Variants in PARP8 observed in about 807,000 individuals in gnomAD.
The protein encoded by PARP8 is protein mono-ADP-ribosyltransferase PARP8.
In PARP8, 51 loss-of-function variants were observed where a neutral mutation model predicts 124.1. The observed-to-expected ratio is 0.41, with a 90% CI of 0.33 to 0.52. The LOEUF is 0.52. Ranked by LOEUF, PARP8 falls within the 20% of genes least tolerant of loss-of-function variation. The pLI is 0.21. For missense variants in PARP8, 860 were observed against 1,018.9 expected (o/e 0.84, Z 2.12); for synonymous variants, 391 against 361.5 (o/e 1.08, Z -0.93).
At position 50,795,532 on chromosome 5, in the gene PARP8, T is replaced by G. The variant is rs72756139; in HGVS notation, c.1428+115T>G. 6.6e-3 allele frequency: 5,564 copies of G among 841,368 alleles called. 30 individuals are homozygous for G. The highest frequency in any genetic ancestry group is 9.3e-3 in the Admixed American group (263 of 28,396). The allele number at this position is 841,368 out of a possible 1,614,324, so 52.1% of individuals were successfully genotyped here. A position where few individuals can be genotyped will look rare whatever the true frequency, so the allele number is the denominator to read the frequency against. ...AGCAAAACTTTGTTTTAATTTACTG[T>G]TTTTTTAAAATCTTTTTGGATATTG... On this transcript the variant is annotated intron_variant, in intron 12 of 25. Coordinates refer to ENST00000281631, the MANE Select transcript of PARP8 (RefSeq NM_024615.4).
rs192504089 is a variant in PARP8 at position 50,698,392 on chromosome 5, A to G, written c.146+30267A>G. Among the ~76,000 whole-genome samples the G allele has an allele frequency of 4.1e-3, 621 of 152,300 alleles. 3 individuals are homozygous for G. The highest frequency in any genetic ancestry group is 5.7e-3 in the Admixed American group (87 of 15,296). On this transcript the variant is annotated intron_variant, in intron 2 of 25. Coordinates refer to ENST00000281631, the MANE Select transcript of PARP8 (RefSeq NM_024615.4). ...CCTGAGAATCCTAGAACATTTATGA[A>G]TATTATAATTGAAATACTTAGGAAT...
chr5:50,709,963 CATATAT>C (rs34133967), intron 2 of PARP8, among the ~76,000 whole-genome samples: 19 of 103,728 alleles, frequency 1.8e-4, no homozygotes, highest in African/African-American at 6.7e-4. Context: ...TATACACATA[CATATAT>C]ACACACACAC....
chr5:50,788,317 T>C (rs1741531683), intron 9 of PARP8, among the ~76,000 whole-genome samples: 1 of 148,758 alleles, frequency 6.7e-6, no homozygotes, highest in Non-Finnish European at 1.5e-5. Context: ...ATATAATGTA[T>C]AATATATATT....
intron 9 of PARP8, among the ~76,000 whole-genome samples, chr5:50,786,109 TA>T (rs201967660): frequency 0.022 from 3,331 of 152,202 alleles, 121 homozygotes; most frequent in African/African-American, 0.076. Context: ...GTTTGGACCC[TA>T]ACACTCTGCT....
At chr5:50,789,705 A>T (rs1325298806) in intron 10 of PARP8, among the ~76,000 whole-genome samples, 3 of 152,244 alleles carry the variant, frequency 2.0e-5, no homozygotes, top group Non-Finnish European at 2.9e-5. Context: ...ATTTGTGTTT[A>T]TGGAGAATTC....
At chr5:50,828,809 CG>C (rs1450552371) in intron 21 of PARP8, among the ~76,000 whole-genome samples, 1 of 151,262 alleles carries the variant, frequency 6.6e-6, no homozygotes, top group African/African-American at 2.4e-5. Flanking sequence ...AATTTGAACC[CG>C]GGAGGTGAAG....
At chr5:50,671,544 G>T (rs1277164360) in intron 2 of PARP8, among the ~76,000 whole-genome samples, 1 of 151,496 alleles carries the variant, frequency 6.6e-6, no homozygotes, top group Non-Finnish European at 1.5e-5. Flanking sequence ...GAAGAAATAC[G>T]CCAAAAAGAA....
At chr5:50,708,561 G>A (rs544868807) in intron 2 of PARP8, among the ~76,000 whole-genome samples, 2 of 152,040 alleles carry the variant, frequency 1.3e-5, no homozygotes, top group South Asian at 4.1e-4. Flanking sequence ...CTACTACTGT[G>A]CAGTGTTGCT....
chr5:50,699,143 GTC>G (rs1256111013), intron 2 of PARP8, among the ~76,000 whole-genome samples: 1 of 152,122 alleles, frequency 6.6e-6, no homozygotes, highest in Non-Finnish European at 1.5e-5. Flanking sequence ...GTGGGGTCCT[GTC>G]TCTCTCACTC....
At chr5:50,754,699 A>G (rs1226822570) in intron 3 of PARP8, among the ~76,000 whole-genome samples, 4 of 152,230 alleles carry the variant, frequency 2.6e-5, no homozygotes, top group African/African-American at 9.6e-5. Flanking sequence ...GTATATACCC[A>G]GTAATGGGAT....
At chr5:50,814,717 G>T (rs1185916515) in intron 14 of PARP8, among the ~76,000 whole-genome samples, 2 of 152,156 alleles carry the variant, frequency 1.3e-5, no homozygotes, top group African/African-American at 2.4e-5. Context: ...AATGCCTTTT[G>T]TCTGCTGTGC....
intron 2 of PARP8, among the ~76,000 whole-genome samples, chr5:50,734,221 C>G (rs1015118515): frequency 6.6e-6 from 1 of 152,032 alleles, no homozygotes; most frequent in African/African-American, 2.4e-5. Flanking sequence ...TATGTGAAAT[C>G]TATATGTTAT....
chr5:50,674,517 C>T (rs1750393921), intron 2 of PARP8, among the ~76,000 whole-genome samples: 5 of 152,210 alleles, frequency 3.3e-5, no homozygotes, highest in Admixed American at 3.3e-4. Flanking sequence ...TTATTTACAC[C>T]TGAACTCTTT....
chr5:50,834,685 G>A (rs1369617430), intron 24 of PARP8, among the ~76,000 whole-genome samples: 5 of 152,058 alleles, frequency 3.3e-5, no homozygotes, highest in African/African-American at 1.2e-4. Flanking sequence ...TCTGCTTTTG[G>A]TAATACTTAG....
chr5:50,692,628 C>G lies in PARP8; in HGVS notation c.146+24503C>G, dbSNP rs186848832. On this transcript the variant is annotated intron_variant, in intron 2 of 25. Coordinates refer to ENST00000281631, the MANE Select transcript of PARP8 (RefSeq NM_024615.4). The stretch of plus-strand genomic sequence containing the variant: ...CTCTTGGGACCTCATTTAGACAACC[C>G]TACCTGTGAGAATTCTCTTTGTCCC... 1.8e-3 allele frequency among the ~76,000 whole-genome samples: 268 copies of G among 152,172 alleles called. 2 individuals are homozygous for G. Among genetic ancestry groups the G allele is most frequent in the African/African-American group, 6.2e-3 (259 of 41,542 alleles).
At chr5:50,689,102 G>GGC (rs1224233640) in intron 2 of PARP8, among the ~76,000 whole-genome samples, 1 of 134,064 alleles carries the variant, frequency 7.5e-6, no homozygotes, top group African/African-American at 2.8e-5. Context: ...TTAAGCTGCT[G>GGC]TTTTGACCCT....
In PARP8 at chr5:50,839,599, G is replaced by T. The variant is rs556958338; in HGVS notation, c.2463-2367G>T. On this transcript the variant is annotated intron_variant, in intron 25 of 25. Coordinates refer to ENST00000281631, the MANE Select transcript of PARP8 (RefSeq NM_024615.4). ...CCATGACTGTTGTGCTTCCTTGTGGGTTTCCTAGACAGTAGAAAAATATGC... is the reference window on the plus strand; with the variant it reads ...CCATGACTGTTGTGCTTCCTTGTGGTTTTCCTAGACAGTAGAAAAATATGC... 1.2e-3 allele frequency among the ~76,000 whole-genome samples: 183 copies of T among 151,830 alleles called. 5 individuals are homozygous for T. In the South Asian group the frequency reaches 0.038, roughly 31 times the overall value.
chr5:50,841,736 C>T (rs1400144477), intron 25 of PARP8, among the ~76,000 whole-genome samples: 1 of 104,220 alleles, frequency 9.6e-6, no homozygotes, highest in African/African-American at 2.8e-5. Context: ...GTCTTTTATG[C>T]GGGGATAAAA....
chr5:50,778,499 T>C, intron 8 of PARP8, 61 bp from the exon 9 acceptor site: 1 of 1,410,736 alleles, frequency 7.1e-7, no homozygotes, highest in East Asian at 2.3e-5. Context: ...GTTTGTGTGT[T>C]TTTTTTTTCA....
Sources: allele counts gnomAD v4.1 joint callset (sites outside exome capture counted in the v4.1 genomes callset), GRCh38; gene constraint gnomAD v4.1.1; transcripts MANE v1.5; gene names NCBI Gene and HGNC (gene_info 2026-07-23, HGNC 2026-07-21).